The following GRID2 variants were observed in gnomAD, a reference collection of about 807,000 sequenced individuals.
The protein encoded by GRID2 is glutamate ionotropic receptor delta type subunit 2.
GRID2 carries 33 observed loss-of-function variants against 114.8 expected under a neutral mutation model. The ratio of observed to expected loss-of-function variants is 0.29; its 90% CI spans 0.22 to 0.38. The LOEUF (loss-of-function observed/expected upper bound fraction) is 0.38, where lower values mean the gene tolerates loss of function less well. GRID2 is among the 10% of genes least tolerant of loss of function. GRID2 has a pLI of 1.00. For synonymous variants in GRID2, 505 were observed against 449.9 expected, an observed-to-expected ratio of 1.12 and a Z score of -1.55; for missense variants, 1,184 against 1,257.7, an observed-to-expected ratio of 0.94 and a Z score of 0.89.
intron 2 of GRID2, among the ~76,000 whole-genome samples, chr4:92,974,901 T>TA: frequency 6.6e-6 from 1 of 151,836 alleles, no homozygotes; most frequent in African/African-American, 2.4e-5. Context: ...CTCACGCCTG[T>TA]AATCCCAGCA....
intron 1 of GRID2, among the ~76,000 whole-genome samples, chr4:92,341,204 T>G (rs1727471353): frequency 6.6e-6 from 1 of 152,186 alleles, no homozygotes; most frequent in Admixed American, 6.5e-5. Context: ...ATTTTTCAAA[T>G]CAGGTTAGAA....
At chr4:93,492,530 C>T (rs7676645) in intron 12 of GRID2, among the ~76,000 whole-genome samples, 111,033 of 151,556 alleles carry the variant, frequency 0.73, 40,891 homozygotes, top group Middle Eastern at 0.84. Context: ...TTTTCCATTG[C>T]TAAGGGATGT....
At chr4:93,150,983 G>A (rs1362834763) in intron 4 of GRID2, among the ~76,000 whole-genome samples, 1 of 151,762 alleles carries the variant, frequency 6.6e-6, no homozygotes, top group East Asian at 1.9e-4. Context: ...AAAAAAATTA[G>A]CCAGGCATGG....
In GRID2 at chr4:92,545,209, T is replaced by TA. The variant is rs67135568; in HGVS notation, c.89-44911dup. Among the ~76,000 whole-genome samples the TA allele has an allele frequency of 6.1e-4, 91 of 148,408 alleles. 1 individual carries two copies. The highest frequency in any genetic ancestry group is 1.8e-3 in the East Asian group (9 of 5,040). ...AATTTGCTATGTCAGCTAAAGAAAG[T>TA]AAAAAAAAAAATGTGTGGTAGATGC... On this transcript the variant is annotated intron_variant, in intron 1 of 15. Coordinates refer to ENST00000282020, the MANE Select transcript of GRID2 (RefSeq NM_001510.4).
rs937706247 is a variant in GRID2 at position 93,762,917 on chromosome 4, G to A, written c.2361-6293G>A. 8.5e-5 allele frequency among the ~76,000 whole-genome samples: 13 copies of A among 152,074 alleles called. 1 individual carries two copies. The highest frequency in any genetic ancestry group is 2.6e-4 in the Admixed American group (4 of 15,250). ...CTGGAGGGCTACAGAATCATCAGGG[G>A]CTGGATAAAGAAAATGGCAGAGGCT... On this transcript the variant is annotated intron_variant, in intron 14 of 15. Transcript: ENST00000282020.
chr4:93,691,766 C>G (rs1726584671), intron 14 of GRID2, among the ~76,000 whole-genome samples: 1 of 151,920 alleles, frequency 6.6e-6, no homozygotes, highest in Non-Finnish European at 1.5e-5. Flanking sequence ...TGCTCACATA[C>G]TAGAGACTAT....
chr4:92,770,774 C>G (rs1738502952), intron 2 of GRID2, among the ~76,000 whole-genome samples: 2 of 152,146 alleles, frequency 1.3e-5, no homozygotes, highest in South Asian at 4.1e-4. Context: ...TCAATCACCT[C>G]CAACCGGGTT....
chr4:92,945,601 A>C (rs1290380298), intron 2 of GRID2, among the ~76,000 whole-genome samples: 5 of 152,198 alleles, frequency 3.3e-5, no homozygotes, highest in African/African-American at 1.2e-4. Flanking sequence ...ACGAAGTACC[A>C]GTGATGGTCA....
At chr4:93,426,225 C>T (rs988740225) in intron 10 of GRID2, among the ~76,000 whole-genome samples, 5 of 152,062 alleles carry the variant, frequency 3.3e-5, no homozygotes, top group Non-Finnish European at 5.9e-5. Flanking sequence ...GCATTAATAT[C>T]GTTATTTTTA....
chr4:92,806,902 CA>C lies in GRID2; in HGVS notation c.244+216624del, dbSNP rs1351522860. Among the ~76,000 whole-genome samples the C allele has an allele frequency of 4.0e-5, 6 of 150,552 alleles. No homozygotes were observed. The East Asian group carries it at 7.9e-4, about 20-fold the overall frequency. On this transcript the variant is annotated intron_variant, in intron 2 of 15. Transcript: ENST00000282020. The stretch of plus-strand genomic sequence containing the variant: ...GCAGAGGTGAAGTCATTTCAGAGAC[CA>C]AAAAAAAGCAAAAGTCCGGGGATGA...
intron 1 of GRID2, among the ~76,000 whole-genome samples, chr4:93,795,822 T>A (rs1337196653): frequency 1.3e-5 from 2 of 152,250 alleles, no homozygotes; most frequent in East Asian, 3.8e-4. Context: ...TAGATTGTTT[T>A]GACTTTCTAA....
chr4:93,545,105 T>C (rs938692449), intron 13 of GRID2, among the ~76,000 whole-genome samples: 44 of 152,194 alleles, frequency 2.9e-4, no homozygotes, highest in Non-Finnish European at 1.6e-4. Flanking sequence ...TGTCAGACCC[T>C]GAGCCAGGCC....
chr4:92,563,829 C>G, intron 1 of GRID2, among the ~76,000 whole-genome samples: 1 of 151,920 alleles, frequency 6.6e-6, no homozygotes, highest in East Asian at 1.9e-4. Flanking sequence ...CTCTCTACAC[C>G]TTCTCATGGA....
At chr4:93,434,143 G>T (rs1257820890) in intron 10 of GRID2, among the ~76,000 whole-genome samples, 23 of 152,172 alleles carry the variant, frequency 1.5e-4, no homozygotes, top group Non-Finnish European at 1.5e-5. Flanking sequence ...TGTGTTGCAG[G>T]AAAAACAAAT....
chr4:93,240,938 T>C (rs1258203474), intron 8 of GRID2, among the ~76,000 whole-genome samples: 1 of 151,650 alleles, frequency 6.6e-6, no homozygotes, highest in African/African-American at 2.4e-5. Flanking sequence ...AGTGCCATTA[T>C]TCCTGTTTTT....
chr4:92,359,115 A>G (rs1728483875), intron 1 of GRID2, among the ~76,000 whole-genome samples: 1 of 151,900 alleles, frequency 6.6e-6, no homozygotes, highest in South Asian at 2.1e-4. Flanking sequence ...TTAACTAACT[A>G]CCAAATTTTT....
At chr4:93,669,737 C>T (rs879823549) in intron 14 of GRID2, among the ~76,000 whole-genome samples, 1 of 152,074 alleles carries the variant, frequency 6.6e-6, no homozygotes. Flanking sequence ...TCAGTTTCTC[C>T]AGACAGTATA....
intron 14 of GRID2, among the ~76,000 whole-genome samples, chr4:93,636,420 TACAC>T (rs138950414): frequency 2.6e-5 from 4 of 151,682 alleles, no homozygotes; most frequent in Admixed American, 6.6e-5. Flanking sequence ...CACTTGAAAA[TACAC>T]ACACACACAT....
At chr4:92,917,851 G>C (rs1307010928) in intron 2 of GRID2, among the ~76,000 whole-genome samples, 1 of 152,080 alleles carries the variant, frequency 6.6e-6, no homozygotes, top group African/African-American at 2.4e-5. Flanking sequence ...TTGGTTCCAT[G>C]TGAGCTTTAA....
Sources: gnomAD v4.1 joint callset for allele counts (sites outside exome capture counted in the v4.1 genomes callset) on GRCh38, gnomAD v4.1.1 for gene constraint, MANE v1.5 for transcripts, NCBI Gene and HGNC (gene_info 2026-07-23, HGNC 2026-07-21) for gene names.